GRIK4: variants seen among roughly 807,000 people sequenced by gnomAD.
GRIK4 encodes glutamate receptor ionotropic, kainate 4.
Under a neutral mutation model 104.9 loss-of-function variants are expected in GRIK4, and 40 were observed. The observed-to-expected ratio is 0.38, with a 90% CI of 0.30 to 0.50. The LOEUF (loss-of-function observed/expected upper bound fraction) is 0.50, where lower values mean the gene tolerates loss of function less well. Ranked by LOEUF, GRIK4 falls within the 20% of genes least tolerant of loss-of-function variation. The pLI is 0.93. For synonymous variants in GRIK4, 485 were observed against 524.9 expected, an observed-to-expected ratio of 0.92 and a Z score of 1.04; for missense variants, 1,047 against 1,308.1, an observed-to-expected ratio of 0.80 and a Z score of 3.08.
chr11:120,950,170 A>G (rs187034575), intron 14 of GRIK4, among the ~76,000 whole-genome samples: 4 of 152,316 alleles, frequency 2.6e-5, no homozygotes, highest in Admixed American at 2.6e-4. Flanking sequence ...ATAAGCCCAG[A>G]CCCAAATCTC....
chr11:120,809,715 C>T (rs968271361), intron 4 of GRIK4, among the ~76,000 whole-genome samples: 2 of 152,250 alleles, frequency 1.3e-5, no homozygotes, highest in South Asian at 2.1e-4. Context: ...GAATGGCAGG[C>T]GCAGGCCCAC....
At chr11:120,981,961 C>T (rs1447972937) in intron 19 of GRIK4, 145 bp from the exon 20 acceptor site, 1 of 674,296 alleles carries the variant, frequency 1.5e-6, no homozygotes, top group Non-Finnish European at 2.7e-6. Flanking sequence ...GACTGGGTGT[C>T]TACATGTCAA....
rs531231578 is a variant in GRIK4, at chr11:120,819,564, A to C, written c.346-191A>C. ...TGTCCTGGGGCTGCTTCTTTGAAGC[A>C]TCATCAGGGATGTCATCGCTCGTCT... On this transcript the variant is annotated intron_variant, in intron 5 of 20. Coordinates refer to ENST00000527524, the MANE Select transcript of GRIK4 (RefSeq NM_014619.5). This position sits in a 1 kb window ranked among gnomAD's most constrained non-coding sequence, Gnocchi z 4.3. Among the ~76,000 whole-genome samples, 1 of 152,170 alleles carries C rather than the reference A, an allele frequency of 6.6e-6. No individual in the cohort carries two copies. The highest frequency in any genetic ancestry group is 2.1e-4 in the South Asian group (1 of 4,826).
At chr11:120,644,378 A>T (rs140919688) in intron 1 of GRIK4, among the ~76,000 whole-genome samples, 1 of 152,188 alleles carries the variant, frequency 6.6e-6, no homozygotes, top group Non-Finnish European at 1.5e-5. Flanking sequence ...TGTGCCAGCT[A>T]CTGTGTGAAG....
intron 1 of GRIK4, among the ~76,000 whole-genome samples, chr11:120,528,746 A>G (rs1947890773): frequency 6.6e-6 from 1 of 152,090 alleles, no homozygotes; most frequent in Non-Finnish European, 1.5e-5. Flanking sequence ...CCCTCATAAA[A>G]CCATCAGATC....
At chr11:120,565,329 C>T (rs1195239672) in intron 1 of GRIK4, among the ~76,000 whole-genome samples, 2 of 152,226 alleles carry the variant, frequency 1.3e-5, no homozygotes, top group Non-Finnish European at 2.9e-5. Flanking sequence ...GACAGCCTCC[C>T]TAGAAGCCCA....
intron 13 of GRIK4, chr11:120,936,375 G>T: frequency 4.7e-6 from 2 of 427,170 alleles, no homozygotes; most frequent in South Asian, 1.9e-5. Flanking sequence ...AGGCCTCTTG[G>T]GTGCATTAGG....
intron 3 of GRIK4, among the ~76,000 whole-genome samples, chr11:120,762,815 T>G (rs1319653627): frequency 6.6e-6 from 1 of 152,216 alleles, no homozygotes; most frequent in East Asian, 1.9e-4. Context: ...ATAAGCTTCT[T>G]GATGTGCTGC....
chr11:120,703,881 C>T (rs1408773597), intron 3 of GRIK4, among the ~76,000 whole-genome samples: 2 of 152,086 alleles, frequency 1.3e-5, no homozygotes, highest in East Asian at 1.9e-4. Flanking sequence ...AAAGAGCACT[C>T]GTCTTGATCA....
chr11:120,670,707 A>C (rs571778784), intron 3 of GRIK4, among the ~76,000 whole-genome samples: 24 of 150,330 alleles, frequency 1.6e-4, no homozygotes, highest in Non-Finnish European at 2.2e-4. Context: ...TCTTTTTTTT[A>C]TTTTTATTTT....
At chr11:120,913,066 C>T (rs1943034818) in intron 13 of GRIK4, among the ~76,000 whole-genome samples, 1 of 152,186 alleles carries the variant, frequency 6.6e-6, no homozygotes, top group Non-Finnish European at 1.5e-5. Context: ...GCTCTTTCAT[C>T]CTTTACAGCA....
chr11:120,839,599 A>T (rs576209345), intron 8 of GRIK4, among the ~76,000 whole-genome samples: 1 of 152,346 alleles, frequency 6.6e-6, no homozygotes, highest in South Asian at 2.1e-4. Flanking sequence ...CTCCCCAGCC[A>T]TGCATGACCT....
At chr11:120,874,718 A>C (rs561517505) in intron 10 of GRIK4, among the ~76,000 whole-genome samples, 2 of 152,282 alleles carry the variant, frequency 1.3e-5, no homozygotes, top group African/African-American at 4.8e-5. Context: ...CTGCTGCAGC[A>C]CAGTGTCTTG....
intron 1 of GRIK4, among the ~76,000 whole-genome samples, chr11:120,589,936 A>G (rs555227059): frequency 6.6e-6 from 1 of 152,286 alleles, no homozygotes; most frequent in Admixed American, 6.5e-5. Flanking sequence ...CAATCCCCTG[A>G]GGCCCAGGGA....
chr11:120,831,905 C>T lies in GRIK4; in HGVS notation c.565C>T (p.Leu189=), dbSNP rs1340663316. Residue 189 remains leucine (L), a synonymous_variant, in exon 7 of 21, where the codon CTG becomes TTG. Transcript: ENST00000527524. ...LRQFLISKDT[L]SVRMLDDTRD... ...GCAATTCCTTATCTCCAAGGACACG[C>T]TGTCCGTCCGCATGCTGGATGACAC... The T allele has an allele frequency of 1.2e-6, 2 of 1,613,986 alleles. No individual in the cohort carries two copies. The highest frequency in any genetic ancestry group is 2.2e-5 in the South Asian group (2 of 91,072).
rs1037775139 is a variant in GRIK4 at position 120,802,262 on chromosome 11, A to G, written c.83-431A>G. Among the ~76,000 whole-genome samples the G allele has an allele frequency of 2.6e-5, 4 of 152,184 alleles. No individual in the cohort carries two copies. The East Asian group carries it at 5.8e-4, about 22-fold the overall frequency. ...CACAGCCTTCCCTCACAGACCTGGC[A>G]TCCTTTAACCCTCTCTCACCTCAGG... On this transcript the variant is annotated intron_variant, in intron 3 of 20. Transcript: ENST00000527524.
rs373944209 is a variant in GRIK4 at position 120,973,274 on chromosome 11, G to A, written c.2395+5951G>A. 8.3e-4 allele frequency among the ~76,000 whole-genome samples: 127 copies of A among 152,300 alleles called. 1 individual carries two copies. The highest frequency in any genetic ancestry group is 5.0e-3 in the East Asian group (26 of 5,188). On this transcript the variant is annotated intron_variant, in intron 19 of 20. Coordinates refer to ENST00000527524, the MANE Select transcript of GRIK4 (RefSeq NM_014619.5). ...TTTGGAAGACTGTGCTGACAGTAGA[G>A]TTCAGGATGGAGGGAGAAGGGAGGC... is the stretch of plus-strand genomic sequence containing the variant.
chr11:120,530,074 C>T (rs1947907118), intron 1 of GRIK4, among the ~76,000 whole-genome samples: 1 of 152,206 alleles, frequency 6.6e-6, no homozygotes, highest in Non-Finnish European at 1.5e-5. Flanking sequence ...CATGTTCTTG[C>T]TTAATGCCTG....
chr11:120,822,463 A>ATCACAGTCCAGTG lies in GRIK4; in HGVS notation c.511+2543_511+2544insTCACAGTCCAGTG, dbSNP rs1208203771. ...CACAGTCCAGTGCACCATCGTCATTACACCTGTATTTATCAAATGGGTTTC... is the reference window on the plus strand; with the variant it reads ...CACAGTCCAGTGCACCATCGTCATTATCACAGTCCAGTGCACCTGTATTTATCAAATGGGTTTC... On this transcript the variant is annotated intron_variant, in intron 6 of 20. Coordinates refer to ENST00000527524, the MANE Select transcript of GRIK4 (RefSeq NM_014619.5). 4.6e-5 allele frequency among the ~76,000 whole-genome samples: 7 copies of ATCACAGTCCAGTG among 152,348 alleles called. No individual in the cohort carries two copies. In the East Asian group the frequency reaches 1.4e-3, roughly 29 times the overall value.
Sources: gnomAD v4.1 joint callset for allele counts (sites outside exome capture counted in the v4.1 genomes callset) on GRCh38, gnomAD v4.1.1 for gene constraint, Gnocchi (gnomAD v3.1) non-coding constraint, MANE v1.5 for transcripts, NCBI Gene and HGNC (gene_info 2026-07-23, HGNC 2026-07-21) for gene names.